OPHN1: variants seen among roughly 807,000 people sequenced by gnomAD.
OPHN1 encodes oligophrenin 1, also known as oligophrenin-1.
A neutral mutation model predicts 60.7 loss-of-function variants in OPHN1; 11 were observed. The ratio of observed to expected loss-of-function variants is 0.18; its 90% CI spans 0.11 to 0.30. The LOEUF (loss-of-function observed/expected upper bound fraction) is 0.30, where lower values mean the gene tolerates loss of function less well. Ranked by LOEUF, OPHN1 falls within the 10% of genes least tolerant of loss-of-function variation. The pLI is 1.00. For synonymous variants in OPHN1, 226 were observed against 222.6 expected, an observed-to-expected ratio of 1.02 and a Z score of -0.14; for missense variants, 449 against 611.0, an observed-to-expected ratio of 0.73 and a Z score of 2.80.
At chrX:68,172,735 G>T in intron 15 of OPHN1, among the ~76,000 whole-genome samples, 1 of 111,030 alleles carries the variant, frequency 9.0e-6, no homozygotes, top group South Asian at 3.9e-4. Flanking sequence ...CTAAAGACAG[G>T]TACAAGAATG....
At chrX:68,297,407 T>C (rs773509544) in intron 3 of OPHN1, among the ~76,000 whole-genome samples, 1 of 111,454 alleles carries the variant, frequency 9.0e-6, no homozygotes, top group Admixed American at 9.6e-5. Context: ...AACTTTTAAA[T>C]AGTCATGCAC....
rs1345673469 is a variant in OPHN1, at chrX:68,402,633, G to A, written c.154+30234C>T. The stretch of plus-strand genomic sequence containing the variant: ...TCTTATTGCATATCTTATGTTGATG[G>A]GCCTCATGATCTGTTCTCTTCAAAC... On this transcript the variant is annotated intron_variant, in intron 2 of 24. Coordinates refer to ENST00000355520, the MANE Select transcript of OPHN1 (RefSeq NM_002547.3). Among the ~76,000 whole-genome samples the A allele has an allele frequency of 5.4e-5, 6 of 111,731 alleles. 1 individual carries two copies. In the Admixed American group the frequency reaches 5.7e-4, roughly 11 times the overall value.
Position 68,080,637 on chromosome X carries a change from C to G in OPHN1, c.1687-7338G>C, listed in dbSNP as rs147544857. Among the ~76,000 whole-genome samples the G allele has an allele frequency of 4.2e-3, 467 of 111,853 alleles. 1 individual carries two copies. The highest frequency in any genetic ancestry group is 0.018 in the Middle Eastern group (4 of 218). On this transcript the variant is annotated intron_variant, in intron 19 of 24. Coordinates refer to ENST00000355520, the MANE Select transcript of OPHN1 (RefSeq NM_002547.3). ...TTACATTCTGTCTTTTTTTCCCTTT[C>G]TCTCTGGCTAGTAAATGGGGACAAA...
intron 16 of OPHN1, among the ~76,000 whole-genome samples, chrX:68,114,108 T>C (rs1158442148): frequency 2.7e-5 from 3 of 110,818 alleles, no homozygotes; most frequent in Admixed American, 9.6e-5. Context: ...AAGAGCACCA[T>C]ACACAAAATT....
At chrX:68,232,481 C>T (rs1343108176) in intron 6 of OPHN1, among the ~76,000 whole-genome samples, 1 of 111,715 alleles carries the variant, frequency 9.0e-6, no homozygotes, top group Non-Finnish European at 1.9e-5. Flanking sequence ...TGTTATCAGT[C>T]AGGGAAGCTC....
At chrX:68,406,145 CAA>C (rs746893958) in intron 2 of OPHN1, among the ~76,000 whole-genome samples, 1 of 83,396 alleles carries the variant, frequency 1.2e-5, no homozygotes, top group Non-Finnish European at 2.4e-5. Context: ...AAGAATCTGT[CAA>C]AAAAAAAAAA....
chrX:68,110,952 G>A (rs2077101324), intron 18 of OPHN1, among the ~76,000 whole-genome samples: 2 of 111,650 alleles, frequency 1.8e-5, no homozygotes, highest in Admixed American at 1.9e-4. Flanking sequence ...GAGGCCAAAA[G>A]AGCCATTAAC....
chrX:68,217,111 C>T (rs1288781639), intron 6 of OPHN1, among the ~76,000 whole-genome samples: 1 of 111,981 alleles, frequency 8.9e-6, no homozygotes, highest in Non-Finnish European at 1.9e-5. Flanking sequence ...CATTGCCTCA[C>T]TTGGGAAGCG....
chrX:68,247,638 G>A (rs2077812912), intron 5 of OPHN1, among the ~76,000 whole-genome samples: 2 of 110,378 alleles, frequency 1.8e-5, no homozygotes, highest in Non-Finnish European at 3.8e-5. Flanking sequence ...AAATTGCCAG[G>A]TGGAGCGCAG....
chrX:68,158,979 G>A (rs750375242), intron 15 of OPHN1, among the ~76,000 whole-genome samples: 1 of 111,385 alleles, frequency 9.0e-6, no homozygotes, highest in Admixed American at 9.5e-5. Context: ...AGAAGACCAC[G>A]GGTTACTGTT....
chrX:68,399,545 G>A (rs1351816870), intron 2 of OPHN1, among the ~76,000 whole-genome samples: 3 of 111,579 alleles, frequency 2.7e-5, no homozygotes, highest in Non-Finnish European at 3.8e-5. Context: ...GCACATGCCT[G>A]TAATCGCAGC....
chrX:68,382,654 G>T (rs1246364147), intron 2 of OPHN1, among the ~76,000 whole-genome samples: 1 of 111,398 alleles, frequency 9.0e-6, no homozygotes, highest in Admixed American at 9.6e-5. Context: ...TGGGTACAAG[G>T]TTTCTTTTTG....
intron 23 of OPHN1, among the ~76,000 whole-genome samples, chrX:68,048,810 G>C (rs961613032): frequency 8.9e-6 from 1 of 111,915 alleles, no homozygotes; most frequent in African/African-American, 3.3e-5. Context: ...CCATGTGAAA[G>C]ATGAATCCTC....
At chrX:68,101,898 T>A (rs758733216) in intron 18 of OPHN1, among the ~76,000 whole-genome samples, 1 of 112,106 alleles carries the variant, frequency 8.9e-6, no homozygotes, top group African/African-American at 3.2e-5. Flanking sequence ...AATAGTTAAC[T>A]GGAATCCATC....
chrX:68,262,418 T>A (rs1413078212), intron 5 of OPHN1, among the ~76,000 whole-genome samples: 2 of 112,103 alleles, frequency 1.8e-5, no homozygotes, highest in Non-Finnish European at 3.8e-5. Context: ...TTAATTATTT[T>A]CTCAAAAAGT....
At chrX:68,413,926 T>C (rs2078781625) in intron 2 of OPHN1, among the ~76,000 whole-genome samples, 1 of 111,609 alleles carries the variant, frequency 9.0e-6, no homozygotes, top group Non-Finnish European at 1.9e-5. Context: ...ATTCATGGGA[T>C]AAGACAGCCT....
intron 2 of OPHN1, among the ~76,000 whole-genome samples, chrX:68,344,618 T>C (rs1214308237): frequency 9.0e-6 from 1 of 110,773 alleles, no homozygotes; most frequent in East Asian, 2.8e-4. Flanking sequence ...CTCACACCTG[T>C]AATCCCAGCA....
intron 15 of OPHN1, among the ~76,000 whole-genome samples, chrX:68,128,929 A>G (rs1392184593): frequency 8.9e-6 from 1 of 112,010 alleles, no homozygotes; most frequent in Non-Finnish European, 1.9e-5. Context: ...GTACAATAAA[A>G]GCGGCATTTT....
At chrX:68,232,061 T>A (rs1232262157) in intron 6 of OPHN1, among the ~76,000 whole-genome samples, 1 of 111,434 alleles carries the variant, frequency 9.0e-6, no homozygotes, top group Non-Finnish European at 1.9e-5. Flanking sequence ...AAAGATGAAA[T>A]CTAAATTTTT....
Sources: allele counts gnomAD v4.1 joint callset (sites outside exome capture counted in the v4.1 genomes callset), GRCh38; gene constraint gnomAD v4.1.1; transcripts MANE v1.5; gene names NCBI Gene and HGNC (gene_info 2026-07-23, HGNC 2026-07-21).